Variants in KCNQ1 observed in about 807,000 individuals in gnomAD.
KCNQ1 encodes potassium voltage-gated channel subfamily Q member 1, also known as potassium voltage-gated channel subfamily KQT member 1.
KCNQ1 carries 49 observed loss-of-function variants against 72.4 expected under a neutral mutation model. That is an observed-to-expected ratio of 0.68 (90% CI 0.54 to 0.86). The LOEUF is 0.86. KCNQ1 is among the 40% of genes least tolerant of loss of function. The pLI, the probability that KCNQ1 is intolerant of heterozygous loss-of-function variation, is 0.00. For missense variants in KCNQ1, 790 were observed against 945.1 expected (o/e 0.84, Z 2.15); for synonymous variants, 450 against 412.6 (o/e 1.09, Z -1.10).
rs932190412 is a variant in KCNQ1 at position 2,827,070 on chromosome 11, G to A, written c.1795-20697G>A. Among the ~76,000 whole-genome samples the A allele has an allele frequency of 1.3e-5, 2 of 152,176 alleles. No homozygotes were observed. The highest frequency in any genetic ancestry group is 4.8e-5 in the African/African-American group (2 of 41,446). The stretch of plus-strand genomic sequence containing the variant: ...AAGCTCAGAGGTGATGTGCTTAGAT[G>A]TCACAGAGCCGGGAGGGGAACAGGC... On this transcript the variant is annotated intron_variant, in intron 15 of 15. Transcript: ENST00000155840. The surrounding 1 kb of genome is among the most constrained non-coding windows in gnomAD (Gnocchi z 6.7).
rs1846562476 is a variant in KCNQ1 at position 2,475,900 on chromosome 11, C to G, written c.386+30416C>G. Among the ~76,000 whole-genome samples the G allele has an allele frequency of 6.6e-6, 1 of 152,198 alleles. No homozygotes were observed. Among genetic ancestry groups the G allele is most frequent in the Admixed American group, 6.5e-5 (1 of 15,280 alleles). On this transcript the variant is annotated intron_variant, in intron 1 of 15. Coordinates refer to ENST00000155840, the MANE Select transcript of KCNQ1 (RefSeq NM_000218.3). The surrounding 1 kb of genome is among the most constrained non-coding windows in gnomAD (Gnocchi z 5.8). ...GCCTTCCGCCATGATTGTGAGGCTTCCCCAGCCACATGGAACTGTAAGTCC... is the reference window on the plus strand; with the variant it reads ...GCCTTCCGCCATGATTGTGAGGCTTGCCCAGCCACATGGAACTGTAAGTCC...
chr11:2,798,719 T>A (rs1455530539), intron 15 of KCNQ1, among the ~76,000 whole-genome samples: 2 of 152,210 alleles, frequency 1.3e-5, no homozygotes, highest in African/African-American at 2.4e-5. Context: ...GCGAGACAAA[T>A]GTGAAAACTG....
chr11:2,607,365 A>ATG (rs762001518), intron 10 of KCNQ1, among the ~76,000 whole-genome samples: 5 of 152,214 alleles, frequency 3.3e-5, no homozygotes, highest in Admixed American at 1.3e-4. Context: ...TATAGACTGA[A>ATG]TGTGTGTGTT....
chr11:2,559,870 C>T lies in KCNQ1; in HGVS notation c.478-10758C>T, dbSNP rs1271893338. On this transcript the variant is annotated intron_variant, in intron 2 of 15. Coordinates refer to ENST00000155840, the MANE Select transcript of KCNQ1 (RefSeq NM_000218.3). The surrounding 1 kb of genome is among the most constrained non-coding windows in gnomAD (Gnocchi z 4.9). ...TCCTCCCTCTCTGTCTCTGGGGTCC[C>T]ATGGGAAGTCAGGGTGGGGCCTGGT... Among the ~76,000 whole-genome samples the T allele has an allele frequency of 5.3e-5, 8 of 151,800 alleles. No homozygotes were observed. Among genetic ancestry groups the T allele is most frequent in the Non-Finnish European group, 8.8e-5 (6 of 67,942 alleles).
chr11:2,520,032 A>G (rs1847354207), intron 1 of KCNQ1, among the ~76,000 whole-genome samples: 1 of 152,250 alleles, frequency 6.6e-6, no homozygotes, highest in African/African-American at 2.4e-5. Flanking sequence ...AAGGCTGAAA[A>G]GGGCCCTGTC....
intron 1 of KCNQ1, chr11:2,461,627 C>T (rs1846279469): frequency 7.3e-7 from 1 of 1,365,000 alleles, no homozygotes; most frequent in Non-Finnish European, 9.8e-7. Context: ...CTCCAGGTTT[C>T]TGGCTCTCGG....
At chr11:2,692,345 A>G (rs1564860073) in intron 11 of KCNQ1, 4 of 398,732 alleles carry the variant, frequency 1.0e-5, no homozygotes, top group Non-Finnish European at 1.8e-5. Context: ...ATTTCTCTGT[A>G]CTGCAGGCAT....
chr11:2,699,804 G>A (rs2133903376), intron 11 of KCNQ1: 1 of 397,592 alleles, frequency 2.5e-6, no homozygotes, highest in African/African-American at 2.1e-5. Context: ...GGGCGCGCCG[G>A]GGAGAACCAC....
rs1283387881 is a variant in KCNQ1 at position 2,745,356 on chromosome 11, G to T, written c.1515-23488G>T. 6.6e-6 allele frequency among the ~76,000 whole-genome samples: 1 copy of T among 152,098 alleles called. No homozygotes were observed. The highest frequency in any genetic ancestry group is 1.5e-5 in the Non-Finnish European group (1 of 68,022). On this transcript the variant is annotated intron_variant, in intron 11 of 15. Coordinates refer to ENST00000155840, the MANE Select transcript of KCNQ1 (RefSeq NM_000218.3). The surrounding 1 kb of genome is among the most constrained non-coding windows in gnomAD (Gnocchi z 6.2). Reference sequence around the variant, plus strand: ...TTCCTGAAAGGGCTGGTGGGGTCTTGCTTCCATTATTCCTGGATGAGACCT... The same window carrying T: ...TTCCTGAAAGGGCTGGTGGGGTCTTTCTTCCATTATTCCTGGATGAGACCT...
At position 2,627,009 on chromosome 11, in the gene KCNQ1, G is replaced by A. The variant is rs1849272361; in HGVS notation, c.1394-34952G>A. 3 of 398,532 alleles carry A rather than the reference G, an allele frequency of 7.5e-6. No homozygotes were observed. The South Asian group carries it at 3.8e-4, about 51-fold the overall frequency. 24.7% of individuals were successfully genotyped at this position (398,532 alleles called of 1,614,324 possible). A position where few individuals can be genotyped will look rare whatever the true frequency, so the allele number is the denominator to read the frequency against. ...TTACCTTGGATTTGTAGATTGTTTTGTGTGGTACTGACACCTTAACAATAT... is the reference window on the plus strand; with the variant it reads ...TTACCTTGGATTTGTAGATTGTTTTATGTGGTACTGACACCTTAACAATAT... On this transcript the variant is annotated intron_variant, in intron 10 of 15. Transcript: ENST00000155840. This position sits in a 1 kb window ranked among gnomAD's most constrained non-coding sequence, Gnocchi z 4.9.
chr11:2,776,482 C>T (rs937426226), intron 13 of KCNQ1, among the ~76,000 whole-genome samples: 4 of 152,224 alleles, frequency 2.6e-5, no homozygotes, highest in African/African-American at 9.6e-5. Context: ...GTGCCAGGCC[C>T]CACCGCACGG....
In KCNQ1 at chr11:2,682,212, T is replaced by C. The variant is rs1850410020; in HGVS notation, c.1514+20131T>C. 1 of 398,588 alleles carries C rather than the reference T, an allele frequency of 2.5e-6. No individual in the cohort carries two copies. The highest frequency in any genetic ancestry group is 2.1e-5 in the African/African-American group (1 of 48,730). The allele number at this position is 398,588 out of a possible 1,614,324, so 24.7% of individuals were successfully genotyped here. On this transcript the variant is annotated intron_variant, in intron 11 of 15. Coordinates refer to ENST00000155840, the MANE Select transcript of KCNQ1 (RefSeq NM_000218.3). The surrounding 1 kb of genome is among the most constrained non-coding windows in gnomAD (Gnocchi z 5.8). ...CCCCTTCCCCAGGCCAGGACTGTCT[T>C]ATCCTGTGGTTCTTAGCTGAAATGT...
chr11:2,673,183 C>T lies in KCNQ1; in HGVS notation c.1514+11102C>T. 1 of 398,732 alleles carries T rather than the reference C, an allele frequency of 2.5e-6. No individual in the cohort carries two copies. The highest frequency in any genetic ancestry group is 4.4e-5 in the Admixed American group (1 of 22,738). 24.7% of individuals were successfully genotyped at this position (398,732 alleles called of 1,614,324 possible). A position where few individuals can be genotyped will look rare whatever the true frequency, so the allele number is the denominator to read the frequency against. ...ACGAGGATCAGAATGGGCCCTGGAG[C>T]CAAGGCCAAAAGCCGAACTGTGACT... On this transcript the variant is annotated intron_variant, in intron 11 of 15. Coordinates refer to ENST00000155840, the MANE Select transcript of KCNQ1 (RefSeq NM_000218.3). This position sits in a 1 kb window ranked among gnomAD's most constrained non-coding sequence, Gnocchi z 4.5.
Position 2,703,275 on chromosome 11 carries a change from T to A in KCNQ1, c.1514+41194T>A, listed in dbSNP as rs1027469198. ...CTGCACCTTGTCACCTTCTTGGGAC[T>A]CAAGGCTGCAGGGGTGGGTGTGAGA... On this transcript the variant is annotated intron_variant, in intron 11 of 15. Transcript: ENST00000155840. This position sits in a 1 kb window ranked among gnomAD's most constrained non-coding sequence, Gnocchi z 6.4. Among the ~76,000 whole-genome samples the A allele has an allele frequency of 6.6e-6, 1 of 152,178 alleles. No individual in the cohort carries two copies. Among genetic ancestry groups the A allele is most frequent in the Non-Finnish European group, 1.5e-5 (1 of 68,034 alleles).
intron 13 of KCNQ1, among the ~76,000 whole-genome samples, chr11:2,776,487 G>A (rs1390159401): frequency 5.3e-5 from 8 of 152,198 alleles, no homozygotes; most frequent in East Asian, 3.9e-4. Flanking sequence ...AGGCCCCACC[G>A]CACGGGTCTC....
intron 10 of KCNQ1, chr11:2,655,610 A>C: frequency 2.5e-6 from 1 of 398,750 alleles, no homozygotes; most frequent in Admixed American, 4.4e-5. Context: ...GTTAGGGCAC[A>C]GCACTTGCCC....
At chr11:2,845,412 T>C (rs1848306084) in intron 15 of KCNQ1, among the ~76,000 whole-genome samples, 1 of 152,200 alleles carries the variant, frequency 6.6e-6, no homozygotes, top group Non-Finnish European at 1.5e-5. Flanking sequence ...TGTGGGCCTC[T>C]GTGGCTCGTC....
At position 2,669,650 on chromosome 11, in the gene KCNQ1, G is replaced by C. The variant is rs1425288094; in HGVS notation, c.1514+7569G>C. 1.3e-5 allele frequency: 5 copies of C among 398,512 alleles called. No homozygotes were observed. In the East Asian group the frequency reaches 1.8e-4, roughly 14 times the overall value. The allele number at this position is 398,512 out of a possible 1,614,324, so 24.7% of individuals were successfully genotyped here. A position where few individuals can be genotyped will look rare whatever the true frequency, so the allele number is the denominator to read the frequency against. ...CTCAGTTTCCTCTTGTATACATTGG[G>C]AGTATATCTCACAGTATTAGTGTAA... On this transcript the variant is annotated intron_variant, in intron 11 of 15. Coordinates refer to ENST00000155840, the MANE Select transcript of KCNQ1 (RefSeq NM_000218.3). The surrounding 1 kb of genome is among the most constrained non-coding windows in gnomAD (Gnocchi z 5.6).
At chr11:2,810,936 T>C (rs1283348818) in intron 15 of KCNQ1, among the ~76,000 whole-genome samples, 1 of 152,204 alleles carries the variant, frequency 6.6e-6, no homozygotes, top group East Asian at 1.9e-4. Flanking sequence ...GACCTCATGC[T>C]CAGCCCCTTC....
Sources: gnomAD v4.1 joint callset for allele counts (sites outside exome capture counted in the v4.1 genomes callset) on GRCh38, gnomAD v4.1.1 for gene constraint, Gnocchi (gnomAD v3.1) non-coding constraint, MANE v1.5 for transcripts, NCBI Gene and HGNC (gene_info 2026-07-23, HGNC 2026-07-21) for gene names.